Variants in KIF6 observed in about 807,000 individuals in gnomAD.
The protein encoded by KIF6 is kinesin-like protein KIF6.
KIF6 carries 106 observed loss-of-function variants against 112.7 expected under a neutral mutation model. The ratio of observed to expected loss-of-function variants is 0.94; its 90% CI spans 0.80 to 1.11. KIF6 has a LOEUF of 1.11. Ranked by LOEUF, KIF6 falls within the 50% of genes least tolerant of loss-of-function variation. The pLI is 0.00. For missense variants in KIF6, 929 were observed against 964.0 expected (o/e 0.96, Z 0.48); for synonymous variants, 339 against 339.9 (o/e 1.00, Z 0.03).
chr6:39,483,728 T>A (rs1774948137), intron 13 of KIF6, among the ~76,000 whole-genome samples: 1 of 152,178 alleles, frequency 6.6e-6, no homozygotes, highest in Non-Finnish European at 1.5e-5. Flanking sequence ...CCTCAAGGAC[T>A]GTTACTATAA....
chr6:39,507,686 TCCTA>T (rs1562273260), intron 13 of KIF6, among the ~76,000 whole-genome samples: 13 of 136,134 alleles, frequency 9.5e-5, no homozygotes, highest in South Asian at 5.1e-4. Context: ...CTTCCTTCCT[TCCTA>T]CCTTCCTTCC....
At chr6:39,491,507 T>C (rs1384257348) in intron 13 of KIF6, among the ~76,000 whole-genome samples, 9 of 152,232 alleles carry the variant, frequency 5.9e-5, no homozygotes, top group Admixed American at 5.9e-4. Flanking sequence ...TAAACGACTA[T>C]GTTTGGAGTT....
intron 9 of KIF6, among the ~76,000 whole-genome samples, chr6:39,578,516 A>T (rs1034564123): frequency 6.6e-6 from 1 of 151,824 alleles, no homozygotes; most frequent in African/African-American, 2.4e-5. Flanking sequence ...TTTTTTTAGT[A>T]GAGACAGGGT....
At chr6:39,389,255 ACT>A (rs1424410428) in intron 15 of KIF6, among the ~76,000 whole-genome samples, 2 of 151,814 alleles carry the variant, frequency 1.3e-5, no homozygotes, top group Non-Finnish European at 2.9e-5. Flanking sequence ...TAAGCTTCAC[ACT>A]CTATTTTGCA....
intron 10 of KIF6, among the ~76,000 whole-genome samples, chr6:39,562,553 G>A (rs1780065209): frequency 6.6e-6 from 1 of 152,202 alleles, no homozygotes; most frequent in African/African-American, 2.4e-5. Context: ...AAGGATTTAA[G>A]TTTAAGTCAC....
intron 13 of KIF6, among the ~76,000 whole-genome samples, chr6:39,506,923 G>A (rs1776456734): frequency 1.3e-5 from 2 of 152,182 alleles, no homozygotes; most frequent in South Asian, 2.1e-4. Context: ...TGTGCAGAGG[G>A]AGGGCCTGGA....
chr6:39,723,958 G>T (rs2953368), intron 1 of KIF6, among the ~76,000 whole-genome samples: 48,951 of 151,992 alleles, frequency 0.32, 9,266 homozygotes, highest in Non-Finnish European at 0.41. Flanking sequence ...CCCCAGCTGG[G>T]TGCCTTGGTC....
intron 15 of KIF6, among the ~76,000 whole-genome samples, chr6:39,395,137 C>A (rs966335373): frequency 1.3e-5 from 2 of 152,206 alleles, no homozygotes; most frequent in Non-Finnish European, 2.9e-5. Flanking sequence ...GACCCAATTT[C>A]TTTTGCTGTG....
At position 39,536,745 on chromosome 6, in the gene KIF6, G is replaced by A. The variant is rs1176858836; in HGVS notation, c.1645+3258C>T. 7.3e-5 allele frequency among the ~76,000 whole-genome samples: 11 copies of A among 151,676 alleles called. No homozygotes were observed. In the South Asian group the frequency reaches 1.3e-3, roughly 17 times the overall value. ...CCAGCATCATCCTGATACCAAAGCC[G>A]GGCAGAGACACAACCAAAAAAGAGA... On this transcript the variant is annotated intron_variant, in intron 13 of 22. Coordinates refer to ENST00000287152, the MANE Select transcript of KIF6 (RefSeq NM_145027.6).
chr6:39,641,388 G>A (rs575088942), intron 3 of KIF6, among the ~76,000 whole-genome samples: 15 of 151,810 alleles, frequency 9.9e-5, no homozygotes, highest in Admixed American at 2.0e-4. Context: ...GCAAACTATC[G>A]CAAGGGCAAA....
At chr6:39,506,421 C>G (rs1776431430) in intron 13 of KIF6, among the ~76,000 whole-genome samples, 1 of 152,162 alleles carries the variant, frequency 6.6e-6, no homozygotes, top group South Asian at 2.1e-4. Context: ...GGGCCTAAAA[C>G]CTAGGTGACA....
At position 39,550,668 on chromosome 6, in the gene KIF6, C is replaced by T. The variant is rs144439736; in HGVS notation, c.1182-4980G>A. ...CTGTCTCCTCACTGGTTTGGGGAGA[C>T]GATTTGACAGCTCATTCCAGAGAGC... On this transcript the variant is annotated intron_variant, in intron 10 of 22. Transcript: ENST00000287152. Among the ~76,000 whole-genome samples, 480 of 152,166 alleles carry T rather than the reference C, an allele frequency of 3.2e-3. 5 individuals are homozygous for T. The highest frequency in any genetic ancestry group is 9.6e-3 in the African/African-American group (398 of 41,514).
chr6:39,516,720 T>G (rs1445170581), intron 13 of KIF6, among the ~76,000 whole-genome samples: 2 of 152,196 alleles, frequency 1.3e-5, no homozygotes, highest in Non-Finnish European at 1.5e-5. Context: ...TTGCTAAGCT[T>G]TATGGATGTG....
At chr6:39,422,615 G>C (rs1278620242) in intron 14 of KIF6, among the ~76,000 whole-genome samples, 1 of 152,182 alleles carries the variant, frequency 6.6e-6, no homozygotes, top group Non-Finnish European at 1.5e-5. Flanking sequence ...TAGAGGGAAA[G>C]AGCAAGTGTC....
intron 6 of KIF6, among the ~76,000 whole-genome samples, chr6:39,611,290 C>T (rs1215159919): frequency 6.6e-6 from 1 of 152,020 alleles, no homozygotes; most frequent in Non-Finnish European, 1.5e-5. Flanking sequence ...GCTTAGGCAA[C>T]AGAGTGAGAC....
intron 13 of KIF6, among the ~76,000 whole-genome samples, chr6:39,537,798 G>A (rs1215203786): frequency 4.6e-5 from 7 of 152,228 alleles, no homozygotes; most frequent in South Asian, 4.2e-4. Flanking sequence ...GAGGCATCAC[G>A]CTACCTGACT....
intron 3 of KIF6, among the ~76,000 whole-genome samples, chr6:39,663,015 C>T (rs1219151800): frequency 6.6e-6 from 1 of 152,022 alleles, no homozygotes; most frequent in East Asian, 1.9e-4. Flanking sequence ...CCACTTCAGC[C>T]TCCTAGTAGC....
At position 39,583,495 on chromosome 6, in the gene KIF6, C is replaced by T. The variant is rs534299744; in HGVS notation, c.1077+1403G>A. On this transcript the variant is annotated intron_variant, in intron 9 of 22. Transcript: ENST00000287152. ...TTGGTGCTTTCTGAGGCAAGAAGAACATAACAGACAGCCCCATTATTCCTT... is the reference window on the plus strand; with the variant it reads ...TTGGTGCTTTCTGAGGCAAGAAGAATATAACAGACAGCCCCATTATTCCTT... 24 of 471,420 alleles carry T rather than the reference C, an allele frequency of 5.1e-5. No homozygotes were observed. In the East Asian group the frequency reaches 1.5e-3, roughly 29 times the overall value. The allele number at this position is 471,420 out of a possible 1,614,324, so 29.2% of individuals were successfully genotyped here.
At chr6:39,470,853 C>T (rs916571579) in intron 13 of KIF6, among the ~76,000 whole-genome samples, 1 of 150,780 alleles carries the variant, frequency 6.6e-6, no homozygotes, top group Non-Finnish European at 1.5e-5. Context: ...TACCCACTGC[C>T]CTTTATAACG....
Sources: allele counts gnomAD v4.1 joint callset (sites outside exome capture counted in the v4.1 genomes callset), GRCh38; gene constraint gnomAD v4.1.1; transcripts MANE v1.5; gene names NCBI Gene and HGNC (gene_info 2026-07-23, HGNC 2026-07-21).